Variants in MACROD2 observed in about 807,000 individuals in gnomAD.
The protein encoded by MACROD2 is ADP-ribose glycohydrolase MACROD2.
Under a neutral mutation model 70.4 loss-of-function variants are expected in MACROD2, and 36 were observed. The observed-to-expected ratio is 0.51, with a 90% CI of 0.39 to 0.68. The LOEUF is 0.68. Ranked by LOEUF, MACROD2 falls within the 30% of genes least tolerant of loss-of-function variation. The probability of loss-of-function intolerance (pLI) is 0.00; values close to 1 mark genes in which losing one functional copy is unlikely to be tolerated. For missense variants in MACROD2, 496 were observed against 538.4 expected (o/e 0.92, Z 0.78); for synonymous variants, 172 against 178.8 (o/e 0.96, Z 0.30).
chr20:15,989,505 T>C (rs2066529271), intron 15 of MACROD2, among the ~76,000 whole-genome samples: 1 of 152,202 alleles, frequency 6.6e-6, no homozygotes, highest in Non-Finnish European at 1.5e-5. Context: ...CCATAACTTC[T>C]ATTTTTTTAA....
intron 3 of MACROD2, among the ~76,000 whole-genome samples, chr20:14,466,547 T>C (rs6131587): frequency 0.44 from 66,185 of 152,010 alleles, 15,230 homozygotes; most frequent in Non-Finnish European, 0.51. Context: ...CAAAGTCATT[T>C]TCTGTCCAGC....
intron 5 of MACROD2, among the ~76,000 whole-genome samples, chr20:15,060,236 C>T (rs1052594111): frequency 2.0e-5 from 3 of 152,274 alleles, no homozygotes; most frequent in East Asian, 1.9e-4. Flanking sequence ...ATTCTGGTTG[C>T]GTTGGCTAAA....
At position 16,051,851 on chromosome 20, in the gene MACROD2, A is replaced by T. The variant is rs924576795; in HGVS notation, c.*1975A>T. ...GTAATGAGTTACAGTTGAAAAAAAC[A>T]TGAGGGAAACAGAGGGACAGAGATT... On this transcript the variant is annotated 3_prime_UTR_variant, in exon 18 of 18. Coordinates refer to ENST00000684519, the MANE Select transcript of MACROD2 (RefSeq NM_001351661.2). The T allele has an allele frequency of 6.6e-6, 1 of 152,206 alleles. No individual in the cohort carries two copies. Among genetic ancestry groups the T allele is most frequent in the African/African-American group, 2.4e-5 (1 of 41,442 alleles). The allele number at this position is 152,206 out of a possible 1,614,324, so 9.4% of individuals were successfully genotyped here.
At chr20:14,036,595 G>T (rs1262035127) in intron 2 of MACROD2, among the ~76,000 whole-genome samples, 1 of 152,164 alleles carries the variant, frequency 6.6e-6, no homozygotes, top group African/African-American at 2.4e-5. Context: ...TTTTACTTCA[G>T]ACTTCAGCTT....
At chr20:14,557,323 G>C (rs1979101587) in intron 4 of MACROD2, among the ~76,000 whole-genome samples, 1 of 151,832 alleles carries the variant, frequency 6.6e-6, no homozygotes, top group African/African-American at 2.4e-5. Context: ...TGAATTCTTA[G>C]ATATGATACC....
chr20:15,015,477 T>G (rs1351843888), intron 5 of MACROD2, among the ~76,000 whole-genome samples: 5 of 149,304 alleles, frequency 3.3e-5, no homozygotes, highest in Admixed American at 2.0e-4. Context: ...CTATGTGTGT[T>G]TTTTTTTTTT....
intron 10 of MACROD2, among the ~76,000 whole-genome samples, chr20:15,889,954 C>G (rs2064867832): frequency 6.6e-6 from 1 of 152,058 alleles, no homozygotes; most frequent in African/African-American, 2.4e-5. Flanking sequence ...TTCTTCACTC[C>G]CTCAGGCCAA....
intron 8 of MACROD2, among the ~76,000 whole-genome samples, chr20:15,615,835 G>A (rs762500446): frequency 6.6e-6 from 1 of 152,160 alleles, no homozygotes; most frequent in Non-Finnish European, 1.5e-5. Flanking sequence ...GCATGAGGGA[G>A]CCCTGAGATG....
intron 5 of MACROD2, among the ~76,000 whole-genome samples, chr20:14,822,502 G>A (rs543274943): frequency 3.0e-4 from 45 of 152,050 alleles, no homozygotes; most frequent in Non-Finnish European, 6.0e-4. Flanking sequence ...ATGGCTTGGC[G>A]TTACAAGGTC....
At chr20:14,558,184 A>G (rs1979177681) in intron 4 of MACROD2, among the ~76,000 whole-genome samples, 2 of 151,914 alleles carry the variant, frequency 1.3e-5, no homozygotes, top group South Asian at 2.1e-4. Flanking sequence ...CCGTAAGCAG[A>G]TTACTGATTG....
chr20:14,128,737 C>CT (rs1468890338), intron 3 of MACROD2, among the ~76,000 whole-genome samples: 1 of 152,170 alleles, frequency 6.6e-6, no homozygotes, highest in African/African-American at 2.4e-5. Context: ...GCTGGTGACT[C>CT]TAAGTTGAAG....
intron 8 of MACROD2, among the ~76,000 whole-genome samples, chr20:15,732,452 G>A (rs750514515): frequency 1.2e-4 from 18 of 152,162 alleles, no homozygotes; most frequent in South Asian, 8.3e-4. Flanking sequence ...ATCAAGGTCC[G>A]ATGTTCCCTT....
At chr20:14,076,400 C>T (rs1003440931) in intron 2 of MACROD2, among the ~76,000 whole-genome samples, 5 of 151,990 alleles carry the variant, frequency 3.3e-5, no homozygotes, top group African/African-American at 1.2e-4. Context: ...CCTGTAATCC[C>T]AGCACTTTGG....
intron 5 of MACROD2, among the ~76,000 whole-genome samples, chr20:14,932,827 A>T (rs1329431843): frequency 6.6e-6 from 1 of 152,048 alleles, no homozygotes; most frequent in Non-Finnish European, 1.5e-5. Context: ...CGGCCTCCCA[A>T]AGTGCTGGGA....
chr20:15,409,515 A>G (rs1291900707), intron 6 of MACROD2, among the ~76,000 whole-genome samples: 4 of 152,242 alleles, frequency 2.6e-5, no homozygotes, highest in Admixed American at 2.0e-4. Context: ...CATTTGCTTC[A>G]TATGGCACTG....
intron 3 of MACROD2, among the ~76,000 whole-genome samples, chr20:14,377,032 T>C (rs1429385838): frequency 1.3e-5 from 2 of 152,106 alleles, no homozygotes; most frequent in Non-Finnish European, 2.9e-5. Flanking sequence ...CAATAATAAA[T>C]ATCACTGTCT....
intron 5 of MACROD2, among the ~76,000 whole-genome samples, chr20:14,866,472 A>AT (rs1047412886): frequency 6.6e-6 from 1 of 152,062 alleles, no homozygotes; most frequent in African/African-American, 2.4e-5. Context: ...ATAGATGATG[A>AT]TTTTTTTAAG....
At chr20:15,001,648 G>C (rs2074996331) in intron 5 of MACROD2, among the ~76,000 whole-genome samples, 2 of 151,940 alleles carry the variant, frequency 1.3e-5, no homozygotes, top group Admixed American at 6.6e-5. Context: ...GGTTTTCTAG[G>C]GGGATTTATG....
At chr20:15,477,777 T>C (rs561745486) in intron 7 of MACROD2, among the ~76,000 whole-genome samples, 35 of 152,172 alleles carry the variant, frequency 2.3e-4, no homozygotes, top group Non-Finnish European at 4.7e-4. Flanking sequence ...AAGTTCAGGA[T>C]ATTGGGATGG....
Sources: allele counts gnomAD v4.1 joint callset (sites outside exome capture counted in the v4.1 genomes callset), GRCh38; gene constraint gnomAD v4.1.1; transcripts MANE v1.5; gene names NCBI Gene and HGNC (gene_info 2026-07-23, HGNC 2026-07-21).